The following MYH10 variants were observed in gnomAD, a reference collection of about 807,000 sequenced individuals.
The protein encoded by MYH10 is myosin heavy chain 10.
A neutral mutation model predicts 257.8 loss-of-function variants in MYH10; 55 were observed. The ratio of observed to expected loss-of-function variants is 0.21; its 90% CI spans 0.17 to 0.27. The LOEUF (loss-of-function observed/expected upper bound fraction) is 0.27. MYH10 is among the 10% of genes least tolerant of loss of function. MYH10 has a pLI of 1.00. For missense variants in MYH10, 1,631 were observed against 2,500.6 expected, an observed-to-expected ratio of 0.65 and a Z score of 7.42; for synonymous variants, 854 against 921.7, an observed-to-expected ratio of 0.93 and a Z score of 1.33.
At chr17:8,592,967 A>ATATATATATATATATATATG (rs1567953227) in intron 3 of MYH10, among the ~76,000 whole-genome samples, 4 of 127,262 alleles carry the variant, frequency 3.1e-5, no homozygotes, top group Non-Finnish European at 6.8e-5. Context: ...ATATATATAT[A>ATATATATATATATATATATG]TATAAAAGAT....
At chr17:8,596,239 G>A (rs1406610377) in intron 3 of MYH10, among the ~76,000 whole-genome samples, 1 of 148,698 alleles carries the variant, frequency 6.7e-6, no homozygotes, top group Non-Finnish European at 1.5e-5. Context: ...TGAAATCTCC[G>A]CCTCCCAGGT....
At chr17:8,486,627 C>G (rs1417944541) in intron 36 of MYH10, among the ~76,000 whole-genome samples, 1 of 149,774 alleles carries the variant, frequency 6.7e-6, no homozygotes, top group Non-Finnish European at 1.5e-5. Context: ...GACTTTCCCT[C>G]CAAACTTTTT....
chr17:8,550,623 A>G (rs1331064790), intron 9 of MYH10, among the ~76,000 whole-genome samples: 2 of 151,034 alleles, frequency 1.3e-5, no homozygotes, highest in Admixed American at 6.6e-5. Context: ...CCCGGCCACC[A>G]CCCCGTCTGG....
At chr17:8,561,453 G>C (rs897245019) in intron 7 of MYH10, 9 of 1,175,344 alleles carry the variant, frequency 7.7e-6, no homozygotes, top group Non-Finnish European at 1.1e-5. Context: ...ATTACCGTGT[G>C]AGTTGTGCAA....
chr17:8,510,970 G>C (rs1355602257), intron 24 of MYH10, among the ~76,000 whole-genome samples: 1 of 142,530 alleles, frequency 7.0e-6, no homozygotes, highest in Non-Finnish European at 1.5e-5. Flanking sequence ...TATATGAGGT[G>C]ATTATTACAC....
At chr17:8,565,030 T>C (rs955033209) in intron 7 of MYH10, among the ~76,000 whole-genome samples, 1 of 152,188 alleles carries the variant, frequency 6.6e-6, no homozygotes, top group Non-Finnish European at 1.5e-5. Flanking sequence ...CCTAGGTATT[T>C]TGTCTTTCTA....
intron 7 of MYH10, chr17:8,560,711 G>T: frequency 1.5e-6 from 1 of 655,810 alleles, no homozygotes. Flanking sequence ...CATCTACCAG[G>T]AGAAATTTGA....
At chr17:8,622,095 CT>C (rs2085489179) in intron 2 of MYH10, among the ~76,000 whole-genome samples, 1 of 152,176 alleles carries the variant, frequency 6.6e-6, no homozygotes, top group African/African-American at 2.4e-5. Context: ...TTCAACACCC[CT>C]TTTCCGATTT....
chr17:8,621,670 C>T (rs2085472929), intron 2 of MYH10, among the ~76,000 whole-genome samples: 1 of 152,198 alleles, frequency 6.6e-6, no homozygotes, highest in South Asian at 2.1e-4. Context: ...CCTGTGGCCT[C>T]TTACTCTCCT....
At chr17:8,579,142 G>T (rs2083606526) in intron 4 of MYH10, among the ~76,000 whole-genome samples, 1 of 152,056 alleles carries the variant, frequency 6.6e-6, no homozygotes, top group Non-Finnish European at 1.5e-5. Flanking sequence ...AGCTGGGTGT[G>T]GTAACTCCCA....
At chr17:8,578,043 C>G (rs900555281) in intron 4 of MYH10, among the ~76,000 whole-genome samples, 3 of 152,084 alleles carry the variant, frequency 2.0e-5, no homozygotes, top group African/African-American at 7.2e-5. Flanking sequence ...TCTGAAGCAG[C>G]TGAAAGAACT....
chr17:8,510,235 G>T (rs1225229481), intron 24 of MYH10, among the ~76,000 whole-genome samples: 2 of 151,394 alleles, frequency 1.3e-5, no homozygotes, highest in African/African-American at 4.9e-5. Context: ...GTAGAGATGG[G>T]GTTTCACCAT....
chr17:8,488,538 T>A (rs1915244996), intron 35 of MYH10, among the ~76,000 whole-genome samples: 1 of 152,226 alleles, frequency 6.6e-6, no homozygotes, highest in Non-Finnish European at 1.5e-5. Context: ...ACCTGCACCC[T>A]ATGTAGTGCA....
At chr17:8,528,582 C>T (rs4352104) in intron 17 of MYH10, among the ~76,000 whole-genome samples, 146,734 of 152,198 alleles carry the variant, frequency 0.96, 70,967 homozygotes, top group East Asian at 1. Flanking sequence ...ATAATGATAT[C>T]TTCCCATCAT....
At chr17:8,597,360 A>G (rs536415730) in intron 3 of MYH10, among the ~76,000 whole-genome samples, 50 of 151,732 alleles carry the variant, frequency 3.3e-4, no homozygotes, top group African/African-American at 1.1e-3. Flanking sequence ...AAAGAAAGAA[A>G]AAGAATATCA....
intron 1 of MYH10, among the ~76,000 whole-genome samples, chr17:8,629,396 C>T (rs2085811218): frequency 7.6e-6 from 1 of 132,090 alleles, no homozygotes; most frequent in Non-Finnish European, 1.6e-5. Flanking sequence ...AAGGGAGCTG[C>T]AGAGGCCCTA....
At chr17:8,478,608 C>A (rs1231530919) in intron 40 of MYH10, among the ~76,000 whole-genome samples, 162 bp from the exon 41 acceptor site, 1 of 152,194 alleles carries the variant, frequency 6.6e-6, no homozygotes, top group East Asian at 1.9e-4. Context: ...ACCTTTCCTT[C>A]TGGTCAAAAT....
rs111794023 is a variant in MYH10, at chr17:8,535,944, G to A, written c.1606-13C>T. 3.7e-6 allele frequency: 6 copies of A among 1,606,064 alleles called. No homozygotes were observed. Among genetic ancestry groups the A allele is most frequent in the Middle Eastern group, 1.7e-4 (1 of 6,018 alleles). Reference sequence around the variant, plus strand: ...CAGGAGGGTTCGCCTGATAATGACAGGCAATAAGAATTCACAAGTTTTGCA... The same window carrying A: ...CAGGAGGGTTCGCCTGATAATGACAAGCAATAAGAATTCACAAGTTTTGCA... On this transcript the variant is annotated splice_polypyrimidine_tract_variant and intron_variant, in intron 14 of 42. Transcript: ENST00000360416. This position sits in a 1 kb window ranked among gnomAD's most constrained non-coding sequence, Gnocchi z 4.3.
In MYH10 at chr17:8,506,561, C is replaced by T. The variant is rs991543897; in HGVS notation, c.3215-72G>A. On this transcript the variant is annotated intron_variant, in intron 26 of 42. Transcript: ENST00000360416. The surrounding 1 kb of genome is among the most constrained non-coding windows in gnomAD (Gnocchi z 5.0). ...CCACAGGAATAAACTAAAATACAGA[C>T]TGATCCAAGTTGAAAATAAGCCATT... 14 of 1,493,108 alleles carry T rather than the reference C, an allele frequency of 9.4e-6. No homozygotes were observed. In the African/African-American group the frequency reaches 2.0e-4, roughly 21 times the overall value. The allele number at this position is 1,493,108 out of a possible 1,614,324, so 92.5% of individuals were successfully genotyped here.
Sources: gnomAD v4.1 joint callset for allele counts (sites outside exome capture counted in the v4.1 genomes callset) on GRCh38, gnomAD v4.1.1 for gene constraint, Gnocchi (gnomAD v3.1) non-coding constraint, MANE v1.5 for transcripts, NCBI Gene and HGNC (gene_info 2026-07-23, HGNC 2026-07-21) for gene names.